Variants in PDE1A observed in about 807,000 individuals in gnomAD.
The protein encoded by PDE1A is phosphodiesterase 1A, also known as dual specificity calcium/calmodulin-dependent 3',5'-cyclic nucleotide phosphodiesterase 1A.
In PDE1A, 35 loss-of-function variants were observed where a neutral mutation model predicts 61.7. The ratio of observed to expected loss-of-function variants is 0.57; its 90% confidence interval spans 0.43 to 0.75. PDE1A has a LOEUF of 0.75. Among genes scored for constraint, PDE1A ranks in the 30% least tolerant of loss-of-function variants. The probability of loss-of-function intolerance (pLI) is 0.00; values close to 1 mark genes in which losing one functional copy is unlikely to be tolerated. For missense variants in PDE1A, 597 were observed against 630.6 expected (o/e 0.95, Z 0.57); for synonymous variants, 232 against 213.2 (o/e 1.09, Z -0.77).
downstream of PDE1A, among the ~76,000 whole-genome samples, chr2:182,145,268 G>A (rs567409166): frequency 8.5e-5 from 13 of 152,128 alleles, no homozygotes; most frequent in East Asian, 2.1e-3. Context: ...AATTTATAAG[G>A]TGCTACTGAA....
At chr2:182,348,183 T>C (rs1037303465) in intron 1 of PDE1A, among the ~76,000 whole-genome samples, 1 of 152,180 alleles carries the variant, frequency 6.6e-6, no homozygotes, top group Non-Finnish European at 1.5e-5. Context: ...AAGGATTTGC[T>C]TTATGTTAAT....
At chr2:182,540,267 G>A in the PDE1A span, among the ~76,000 whole-genome samples, 3 of 151,708 alleles carry the variant, frequency 2.0e-5, no homozygotes, top group Non-Finnish European at 4.4e-5. Flanking sequence ...GGGAGCCTGA[G>A]GCAGGAGAAT....
chr2:182,449,980 A>G (rs1371040127), intron 2 of PDE1A, among the ~76,000 whole-genome samples: 1 of 152,140 alleles, frequency 6.6e-6, no homozygotes, highest in Non-Finnish European at 1.5e-5. Context: ...AACTTGGATC[A>G]TCCATGTAAA....
the PDE1A span, among the ~76,000 whole-genome samples, chr2:182,588,414 T>C: frequency 6.6e-6 from 1 of 152,236 alleles, no homozygotes; most frequent in African/African-American, 2.4e-5. Context: ...TAAATTCTGC[T>C]ACATTTTAAA....
chr2:182,452,818 C>T (rs933424987), intron 2 of PDE1A, among the ~76,000 whole-genome samples: 1 of 152,130 alleles, frequency 6.6e-6, no homozygotes, highest in African/African-American at 2.4e-5. Flanking sequence ...TGGTTAAACA[C>T]CATGGCAAAA....
intron 1 of PDE1A, among the ~76,000 whole-genome samples, chr2:182,394,013 GTTC>G (rs1188740624): frequency 6.6e-6 from 1 of 152,122 alleles, no homozygotes; most frequent in African/African-American, 2.4e-5. Context: ...ATATTTTCCA[GTTC>G]TTCTTCTGAG....
In PDE1A at chr2:182,242,013, T is replaced by G. The variant is rs1432734324; in HGVS notation, c.168-1721A>C. 3.5e-6 allele frequency: 5 copies of G among 1,413,312 alleles called. No individual in the cohort carries two copies. In the African/African-American group the frequency reaches 7.2e-5, roughly 20 times the overall value. 87.5% of individuals were successfully genotyped at this position (1,413,312 alleles called of 1,614,324 possible). On this transcript the variant is annotated intron_variant, in intron 2 of 13. Transcript: ENST00000351439. ...ATAATGCCATTTCTACTATCTCTTA[T>G]GCAGTGATCAGATACAGTGTAGGTA... is the stretch of plus-strand genomic sequence containing the variant.
At chr2:182,615,837 A>T in the PDE1A span, among the ~76,000 whole-genome samples, 2 of 152,156 alleles carry the variant, frequency 1.3e-5, no homozygotes, top group African/African-American at 4.8e-5. Flanking sequence ...TCATCCTTTT[A>T]TCAGAAACCC....
chr2:182,351,181 C>T (rs572656249), intron 1 of PDE1A, among the ~76,000 whole-genome samples: 15 of 152,318 alleles, frequency 9.8e-5, no homozygotes, highest in South Asian at 6.2e-4. Context: ...AACTTTGCCT[C>T]GCAGCACTTG....
At chr2:182,208,364 C>CA (rs1366792046) in intron 7 of PDE1A, among the ~76,000 whole-genome samples, 1 of 152,014 alleles carries the variant, frequency 6.6e-6, no homozygotes, top group East Asian at 1.9e-4. Context: ...AGAGAGAGTG[C>CA]AGGGGGGATG....
At chr2:182,166,938 C>G (rs545333421), downstream of PDE1A, among the ~76,000 whole-genome samples, 1 of 152,224 alleles carries the variant, frequency 6.6e-6, no homozygotes, top group East Asian at 1.9e-4. Context: ...AGGAAAGCAG[C>G]TCTTAAAAAC....
At chr2:182,464,925 A>G (rs12466618) in intron 2 of PDE1A, among the ~76,000 whole-genome samples, 24,800 of 152,152 alleles carry the variant, frequency 0.16, 2,505 homozygotes, top group Middle Eastern at 0.31. Context: ...CTGATACATG[A>G]TGAACACTCA....
At chr2:182,287,275 C>G (rs887451786) in intron 1 of PDE1A, among the ~76,000 whole-genome samples, 3 of 152,190 alleles carry the variant, frequency 2.0e-5, no homozygotes, top group Admixed American at 2.0e-4. Flanking sequence ...CAGAAAAGCC[C>G]TCCCTGACAA....
the PDE1A span, among the ~76,000 whole-genome samples, chr2:182,644,976 G>A: frequency 6.9e-6 from 1 of 145,124 alleles, no homozygotes; most frequent in Admixed American, 7.3e-5. Context: ...GCATGCCCAT[G>A]TCTTCTGTAT....
chr2:182,183,399 C>G (rs904199433), intron 13 of PDE1A, among the ~76,000 whole-genome samples: 5 of 152,176 alleles, frequency 3.3e-5, no homozygotes, highest in African/African-American at 7.2e-5. Context: ...TGAAGTTACT[C>G]CCACTCCTCC....
At chr2:182,289,451 T>C (rs1694380059) in intron 1 of PDE1A, among the ~76,000 whole-genome samples, 2 of 152,054 alleles carry the variant, frequency 1.3e-5, no homozygotes, top group African/African-American at 4.8e-5. Context: ...AGTGGTAACA[T>C]AGCAGCCAGA....
intron 10 of PDE1A, among the ~76,000 whole-genome samples, chr2:182,191,754 G>A (rs1049765884): frequency 1.3e-5 from 2 of 148,160 alleles, no homozygotes; most frequent in East Asian, 3.9e-4. Context: ...GGACACAAAT[G>A]TAATAGATGT....
At chr2:182,283,547 T>C (rs1693959310) in intron 1 of PDE1A, among the ~76,000 whole-genome samples, 1 of 152,062 alleles carries the variant, frequency 6.6e-6, no homozygotes, top group Non-Finnish European at 1.5e-5. Flanking sequence ...TATTTATTTA[T>C]GAAACTGTTA....
chr2:182,565,641 A>T, the PDE1A span, among the ~76,000 whole-genome samples: 1 of 152,134 alleles, frequency 6.6e-6, no homozygotes, highest in Non-Finnish European at 1.5e-5. Flanking sequence ...ACCACTGGTG[A>T]TGAGAAACAC....
Sources: allele counts gnomAD v4.1 joint callset (sites outside exome capture counted in the v4.1 genomes callset), GRCh38; gene constraint gnomAD v4.1.1; transcripts MANE v1.5; gene names NCBI Gene and HGNC (gene_info 2026-07-23, HGNC 2026-07-21).